The following CCDC85C variants were observed in gnomAD, a reference collection of about 807,000 sequenced individuals.
CCDC85C encodes the protein coiled-coil domain containing 85C.
Under a neutral mutation model 38.3 loss-of-function variants are expected in CCDC85C, and 18 were observed. The observed-to-expected ratio is 0.47, with a 90% CI of 0.33 to 0.70. The LOEUF (loss-of-function observed/expected upper bound fraction) is 0.70, where lower values mean the gene tolerates loss of function less well. Among genes scored for constraint, CCDC85C ranks in the 30% least tolerant of loss-of-function variants. The probability of loss-of-function intolerance (pLI) is 0.03; values close to 1 mark genes in which losing one functional copy is unlikely to be tolerated. For missense variants in CCDC85C, 566 were observed against 621.2 expected (o/e 0.91, Z 0.94); for synonymous variants, 264 against 293.8 (o/e 0.90, Z 1.04).
chr14:99,527,494 G>A lies in CCDC85C; in HGVS notation c.868-5254C>T, dbSNP rs570312019. On this transcript the variant is annotated intron_variant, in intron 2 of 5. Transcript: ENST00000380243. ...AAACCATGTGGAGACCTGAGAGCTG[G>A]CAGGAGAGTGGCCAGTGCCTAAAGG... 1.1e-4 allele frequency among the ~76,000 whole-genome samples: 16 copies of A among 152,342 alleles called. 1 individual carries two copies. The East Asian group carries it at 1.4e-3, about 13-fold the overall frequency.
chr14:99,596,035 G>T (rs758981694), intron 1 of CCDC85C, among the ~76,000 whole-genome samples: 6 of 152,258 alleles, frequency 3.9e-5, no homozygotes, highest in Non-Finnish European at 8.8e-5. Context: ...AGGGCCCCAG[G>T]TGGGCAGGGA....
chr14:99,558,607 G>C lies in CCDC85C; in HGVS notation c.794-22519C>G, dbSNP rs768163890. On this transcript the variant is annotated intron_variant, in intron 1 of 5. Coordinates refer to ENST00000380243, the MANE Select transcript of CCDC85C (RefSeq NM_001144995.2). This position sits in a 1 kb window ranked among gnomAD's most constrained non-coding sequence, Gnocchi z 4.2. The stretch of plus-strand genomic sequence containing the variant: ...CTGCACTCCAGCCTGGAGATAGAGC[G>C]AGACTCTGTCTCAAAAAAATTAAAT... Among the ~76,000 whole-genome samples the C allele has an allele frequency of 1.3e-5, 2 of 152,198 alleles. No individual in the cohort carries two copies. The highest frequency in any genetic ancestry group is 3.8e-4 in the East Asian group (2 of 5,200).
chr14:99,578,871 G>A (rs192712629), intron 1 of CCDC85C, among the ~76,000 whole-genome samples: 82 of 152,276 alleles, frequency 5.4e-4, no homozygotes, highest in African/African-American at 1.9e-3. Flanking sequence ...TGACCGTGCC[G>A]TGGAAGGCTC....
intron 1 of CCDC85C, chr14:99,579,947 G>A (rs1421426318): frequency 2.4e-6 from 1 of 418,302 alleles, no homozygotes; most frequent in African/African-American, 2.0e-5. Context: ...AAGACTTTGG[G>A]AGTCTTGGCC....
chr14:99,520,801 A>C lies in CCDC85C; in HGVS notation c.975+1332T>G, dbSNP rs1252487569. On this transcript the variant is annotated intron_variant, in intron 3 of 5. Transcript: ENST00000380243. This position sits in a 1 kb window ranked among gnomAD's most constrained non-coding sequence, Gnocchi z 4.1. ...AGCCTCACTTCCTCCTCTCCAAAGTAGGGGACACCCCTTCATGCACAGAGC... is the reference window on the plus strand; with the variant it reads ...AGCCTCACTTCCTCCTCTCCAAAGTCGGGGACACCCCTTCATGCACAGAGC... Among the ~76,000 whole-genome samples, 1 of 152,214 alleles carries C rather than the reference A, an allele frequency of 6.6e-6. No homozygotes were observed. The highest frequency in any genetic ancestry group is 1.9e-4 in the East Asian group (1 of 5,176).
chr14:99,594,048 C>A lies in CCDC85C; in HGVS notation c.793+9119G>T, dbSNP rs1267002543. On this transcript the variant is annotated intron_variant, in intron 1 of 5. Coordinates refer to ENST00000380243, the MANE Select transcript of CCDC85C (RefSeq NM_001144995.2). ...GGTGGGGGCGGGGGGCGGGGAGTAA[C>A]TTATTTAACTCGGTGCCAAGTGTAC... Among the ~76,000 whole-genome samples, 3 of 151,850 alleles carry A rather than the reference C, an allele frequency of 2.0e-5. No homozygotes were observed. In the East Asian group the frequency reaches 5.8e-4, roughly 29 times the overall value.
chr14:99,530,958 C>T (rs2030560171), intron 2 of CCDC85C, among the ~76,000 whole-genome samples: 1 of 152,252 alleles, frequency 6.6e-6, no homozygotes, highest in Admixed American at 6.5e-5. Flanking sequence ...AAATAAATTT[C>T]TGTGGTTTAA....
At chr14:99,593,723 CT>C (rs1291303995) in intron 1 of CCDC85C, among the ~76,000 whole-genome samples, 2 of 152,254 alleles carry the variant, frequency 1.3e-5, no homozygotes, top group Non-Finnish European at 2.9e-5. Flanking sequence ...ATCCTCGCCC[CT>C]AGCTGGCCTG....
chr14:99,532,537 G>T (rs1245323104), intron 2 of CCDC85C, among the ~76,000 whole-genome samples: 1 of 152,180 alleles, frequency 6.6e-6, no homozygotes, highest in Non-Finnish European at 1.5e-5. Context: ...CTTCTCAGAT[G>T]AGCAAACACA....
At chr14:99,532,290 C>T (rs1358507981) in intron 2 of CCDC85C, among the ~76,000 whole-genome samples, 2 of 152,340 alleles carry the variant, frequency 1.3e-5, no homozygotes, top group East Asian at 3.9e-4. Context: ...AAGTAAACCC[C>T]ATCTTCCTGG....
In CCDC85C at chr14:99,544,491, T is replaced by G. The variant is rs529446430; in HGVS notation, c.794-8403A>C. ...AAAAACAGGGCTAAAATTTGAAGGG[T>G]GTGTGTGTGTGTGTGTGTGTGTGTG... is the stretch of plus-strand genomic sequence containing the variant. On this transcript the variant is annotated intron_variant, in intron 1 of 5. Coordinates refer to ENST00000380243, the MANE Select transcript of CCDC85C (RefSeq NM_001144995.2). The surrounding 1 kb of genome is among the most constrained non-coding windows in gnomAD (Gnocchi z 5.3). Among the ~76,000 whole-genome samples the G allele has an allele frequency of 3.4e-4, 45 of 131,772 alleles. 1 individual carries two copies. Among genetic ancestry groups the G allele is most frequent in the Admixed American group, 1.2e-3 (15 of 12,950 alleles). The allele number at this position is 131,772 out of a possible 152,430, so 86.4% of individuals were successfully genotyped here. A position where few individuals can be genotyped will look rare whatever the true frequency, so the allele number is the denominator to read the frequency against.
chr14:99,510,265 C>CCCCCT lies in CCDC85C; in HGVS notation c.*4980_*4981insAGGGG. ...ATTCCCCCTCCGGCCCACCCGGCCC[C>CCCCCT]TGTGCACCAGCCACCGCCGCTGCCA... On this transcript the variant is annotated 3_prime_UTR_variant, in exon 6 of 6. Coordinates refer to ENST00000380243, the MANE Select transcript of CCDC85C (RefSeq NM_001144995.2). 1 of 1,560,634 alleles carries CCCCCT rather than the reference C, an allele frequency of 6.4e-7. No homozygotes were observed. Among genetic ancestry groups the CCCCCT allele is most frequent in the Non-Finnish European group, 8.6e-7 (1 of 1,156,662 alleles).
Position 99,604,174 on chromosome 14 carries a change from C to T in CCDC85C, c.-215G>A, listed in dbSNP as rs928708463. 1 of 280,502 alleles carries T rather than the reference C, an allele frequency of 3.6e-6. No homozygotes were observed. The highest frequency in any genetic ancestry group is 5.3e-6 in the Non-Finnish European group (1 of 187,796). The allele number at this position is 280,502 out of a possible 1,614,324, so 17.4% of individuals were successfully genotyped here. ...TGACGAGCGGAGGCGGCTGCTGCGT[C>T]GGCGGCCGCGGTGCCGGGCGCTCTC... On this transcript the variant is annotated 5_prime_UTR_variant, in exon 1 of 6. Transcript: ENST00000380243.
chr14:99,559,602 C>A (rs754619650), intron 1 of CCDC85C, among the ~76,000 whole-genome samples: 14 of 152,186 alleles, frequency 9.2e-5, no homozygotes, highest in Non-Finnish European at 1.6e-4. Flanking sequence ...CACAACTTCA[C>A]CAGCCAGCAG....
intron 1 of CCDC85C, among the ~76,000 whole-genome samples, chr14:99,582,369 C>T (rs1479995797): frequency 6.6e-6 from 1 of 152,160 alleles, no homozygotes; most frequent in East Asian, 1.9e-4. Flanking sequence ...TCCACCTGCG[C>T]ATGTAAAAAG....
intron 1 of CCDC85C, among the ~76,000 whole-genome samples, chr14:99,565,266 T>G (rs1053190532): frequency 3.3e-4 from 50 of 152,068 alleles, no homozygotes; most frequent in African/African-American, 1.2e-3. Flanking sequence ...AATCCCCTCC[T>G]CCTCCACCAC....
At chr14:99,543,414 G>A (rs1002474660) in intron 1 of CCDC85C, among the ~76,000 whole-genome samples, 1 of 152,162 alleles carries the variant, frequency 6.6e-6, no homozygotes, top group African/African-American at 2.4e-5. Context: ...TCCTGTGAGG[G>A]ACCCTTGGCC....
Position 99,533,458 on chromosome 14 carries a change from C to T in CCDC85C, c.867+2557G>A, listed in dbSNP as rs753106702. Among the ~76,000 whole-genome samples the T allele has an allele frequency of 9.9e-5, 15 of 152,252 alleles. No homozygotes were observed. The highest frequency in any genetic ancestry group is 1.9e-4 in the Non-Finnish European group (13 of 68,046). ...CTAAAGAAACAAAATACTTTGAACC[C>T]TTTCTGCACTGGATGATCTCTGAAT... is the stretch of plus-strand genomic sequence containing the variant. On this transcript the variant is annotated intron_variant, in intron 2 of 5. Coordinates refer to ENST00000380243, the MANE Select transcript of CCDC85C (RefSeq NM_001144995.2). The surrounding 1 kb of genome is among the most constrained non-coding windows in gnomAD (Gnocchi z 4.2).
Position 99,500,941 on chromosome 14 carries a change from A to G in CCDC85C, c.*14305T>C, listed in dbSNP as rs187486951. ...GTCTTTATAATTTGATGACACTCAA[A>G]TTACGCTTCTCAAAAGCGGAAAACA... On this transcript the variant is annotated 3_prime_UTR_variant, in exon 6 of 6. Transcript: ENST00000380243. The G allele has an allele frequency of 1.0e-6, 1 of 955,996 alleles. No homozygotes were observed. The allele number at this position is 955,996 out of a possible 1,614,324, so 59.2% of individuals were successfully genotyped here.
Sources: gnomAD v4.1 joint callset for allele counts (sites outside exome capture counted in the v4.1 genomes callset) on GRCh38, gnomAD v4.1.1 for gene constraint, Gnocchi (gnomAD v3.1) non-coding constraint, MANE v1.5 for transcripts, NCBI Gene and HGNC (gene_info 2026-07-23, HGNC 2026-07-21) for gene names.